Variants in DKK2 observed in about 807,000 individuals in gnomAD.
DKK2 encodes the protein dickkopf Wnt signaling pathway inhibitor 2, also known as dickkopf-related protein 2.
DKK2 carries 11 observed loss-of-function variants against 28.1 expected under a neutral mutation model. That is an observed-to-expected ratio of 0.39 (90% CI 0.25 to 0.65). The LOEUF is 0.65. DKK2 is among the 30% of genes least tolerant of loss of function. The pLI is 0.47. For synonymous variants in DKK2, 135 were observed against 126.5 expected (o/e 1.07, Z -0.45); for missense variants, 326 against 335.5 (o/e 0.97, Z 0.22).
chr4:106,992,740 T>A (rs1381680152), intron 1 of DKK2, among the ~76,000 whole-genome samples: 2 of 152,194 alleles, frequency 1.3e-5, no homozygotes, highest in Non-Finnish European at 2.9e-5. Context: ...AATTCTAATG[T>A]TCTGGGGGCA....
intron 1 of DKK2, among the ~76,000 whole-genome samples, chr4:106,931,080 T>A (rs1184205934): frequency 6.6e-6 from 1 of 152,190 alleles, no homozygotes; most frequent in Non-Finnish European, 1.5e-5. Flanking sequence ...TATGTCAATC[T>A]GCCTGTGTGC....
At chr4:107,009,631 A>G (rs1236142712) in intron 1 of DKK2, among the ~76,000 whole-genome samples, 1 of 151,870 alleles carries the variant, frequency 6.6e-6, no homozygotes, top group Non-Finnish European at 1.5e-5. Flanking sequence ...ATGAAATTTT[A>G]TTTCAGAATA....
chr4:106,997,021 G>A (rs1280323096), intron 1 of DKK2, among the ~76,000 whole-genome samples: 4 of 152,086 alleles, frequency 2.6e-5, no homozygotes, highest in Non-Finnish European at 4.4e-5. Flanking sequence ...AATTGGCACA[G>A]AATTGCCTTT....
intron 1 of DKK2, among the ~76,000 whole-genome samples, chr4:106,984,081 A>G (rs991053166): frequency 6.6e-6 from 1 of 152,220 alleles, no homozygotes; most frequent in African/African-American, 2.4e-5. Flanking sequence ...CAACTATCCT[A>G]CAACCCAGTA....
At chr4:106,945,318 T>C (rs983875699) in intron 1 of DKK2, among the ~76,000 whole-genome samples, 18 of 152,130 alleles carry the variant, frequency 1.2e-4, no homozygotes, top group African/African-American at 4.3e-4. Flanking sequence ...ATAAGTGTCA[T>C]AAAATTTGCT....
intron 1 of DKK2, among the ~76,000 whole-genome samples, chr4:106,937,776 C>T (rs1285204418): frequency 6.7e-6 from 1 of 149,560 alleles, no homozygotes; most frequent in African/African-American, 2.5e-5. Flanking sequence ...TCTCTCAGAC[C>T]ACAGTGCAAT....
intron 1 of DKK2, among the ~76,000 whole-genome samples, chr4:106,992,113 A>C (rs917972321): frequency 2.6e-5 from 4 of 152,214 alleles, no homozygotes; most frequent in African/African-American, 9.7e-5. Flanking sequence ...AAATGTAATA[A>C]GCTTATATCT....
At chr4:106,993,883 C>A (rs1048011209) in intron 1 of DKK2, among the ~76,000 whole-genome samples, 2 of 151,964 alleles carry the variant, frequency 1.3e-5, no homozygotes, top group Non-Finnish European at 2.9e-5. Flanking sequence ...CCTGTCTGGG[C>A]AGGGAGAAAA....
intron 2 of DKK2, among the ~76,000 whole-genome samples, chr4:106,925,212 T>G (rs1265720764): frequency 6.6e-6 from 1 of 152,236 alleles, no homozygotes; most frequent in Non-Finnish European, 1.5e-5. Context: ...TATGTTGTTT[T>G]ATATGATTAA....
intron 1 of DKK2, among the ~76,000 whole-genome samples, chr4:107,027,123 A>G (rs529423323): frequency 6.6e-6 from 1 of 152,320 alleles, no homozygotes; most frequent in African/African-American, 2.4e-5. Context: ...TGCTGAGAGT[A>G]CAGAGCATGG....
Position 106,985,861 on chromosome 4 carries a change from AT to A in DKK2, c.222+49508del, listed in dbSNP as rs577751988. On this transcript the variant is annotated intron_variant, in intron 1 of 3. Transcript: ENST00000285311. ...AGAAAAGAAAAGAAAAAGAAAAAAA[AT>A]AAGACAGGAAGGAGGGAGAGAAGAA... Among the ~76,000 whole-genome samples the A allele has an allele frequency of 4.5e-3, 676 of 151,876 alleles. 9 individuals are homozygous for A. Among genetic ancestry groups the A allele is most frequent in the African/African-American group, 0.016 (645 of 41,406 alleles).
intron 1 of DKK2, among the ~76,000 whole-genome samples, chr4:107,011,142 T>C (rs573572873): frequency 6.2e-4 from 94 of 151,444 alleles, no homozygotes; most frequent in Non-Finnish European, 1.2e-3. Context: ...AATAGTCTTC[T>C]TTGATAACTA....
intron 1 of DKK2, among the ~76,000 whole-genome samples, chr4:106,965,955 A>G (rs900589503): frequency 6.6e-5 from 10 of 151,250 alleles, no homozygotes; most frequent in African/African-American, 2.4e-4. Context: ...ATGGTATTCC[A>G]TGGTGTATAT....
chr4:107,003,578 G>A (rs527997759), intron 1 of DKK2, among the ~76,000 whole-genome samples: 1 of 152,338 alleles, frequency 6.6e-6, no homozygotes, highest in East Asian at 1.9e-4. Flanking sequence ...CCTTTGGAGA[G>A]ATTCTGACTT....
chr4:107,023,757 T>C (rs1409181184), intron 1 of DKK2, among the ~76,000 whole-genome samples: 1 of 152,120 alleles, frequency 6.6e-6, no homozygotes, highest in Non-Finnish European at 1.5e-5. Flanking sequence ...AAACTGACTA[T>C]ACTTTTGGTT....
intron 1 of DKK2, among the ~76,000 whole-genome samples, chr4:106,974,181 T>C (rs1488889268): frequency 6.6e-6 from 1 of 152,154 alleles, no homozygotes; most frequent in Non-Finnish European, 1.5e-5. Context: ...GCATGATGCC[T>C]CCAGTTTTCT....
intron 1 of DKK2, among the ~76,000 whole-genome samples, chr4:106,983,197 G>A (rs1460233008): frequency 6.6e-6 from 1 of 151,546 alleles, no homozygotes; most frequent in Non-Finnish European, 1.5e-5. Context: ...TAAATACTGG[G>A]TGAATCAATA....
chr4:106,958,402 G>A (rs1031452385), intron 1 of DKK2, among the ~76,000 whole-genome samples: 1 of 152,048 alleles, frequency 6.6e-6, no homozygotes, highest in Non-Finnish European at 1.5e-5. Flanking sequence ...GTCCGTTCAT[G>A]TTATATCTCC....
chr4:106,992,552 A>T (rs78053322), intron 1 of DKK2, among the ~76,000 whole-genome samples: 1 of 152,214 alleles, frequency 6.6e-6, no homozygotes, highest in Non-Finnish European at 1.5e-5. Context: ...ATATGAAAAT[A>T]AATATGGGTT....
Sources: allele counts gnomAD v4.1 joint callset (sites outside exome capture counted in the v4.1 genomes callset), GRCh38; gene constraint gnomAD v4.1.1; transcripts MANE v1.5; gene names NCBI Gene and HGNC (gene_info 2026-07-23, HGNC 2026-07-21).